SPATS1: variants seen among roughly 807,000 people sequenced by gnomAD.
The protein encoded by SPATS1 is spermatogenesis-associated serine-rich protein 1.
Under a neutral mutation model 33.6 loss-of-function variants are expected in SPATS1, and 23 were observed. The ratio of observed to expected loss-of-function variants is 0.68; its 90% CI spans 0.49 to 0.97. The LOEUF (loss-of-function observed/expected upper bound fraction) is 0.97. Among genes scored for constraint, SPATS1 ranks in the 50% least tolerant of loss-of-function variants. The pLI, the probability that SPATS1 is intolerant of heterozygous loss-of-function variation, is 0.00. For missense variants in SPATS1, 327 were observed against 361.0 expected, an observed-to-expected ratio of 0.91 and a Z score of 0.76; for synonymous variants, 131 against 125.6, an observed-to-expected ratio of 1.04 and a Z score of -0.29.
intron 7 of SPATS1, among the ~76,000 whole-genome samples, chr6:44,376,037 C>T (rs555307253): frequency 2.8e-4 from 43 of 151,784 alleles, no homozygotes; most frequent in African/African-American, 7.3e-4. Flanking sequence ...ATCTGCGAGG[C>T]GGAGGTTGCA....
intron 7 of SPATS1, among the ~76,000 whole-genome samples, chr6:44,372,245 T>C (rs1214096902): frequency 1.9e-4 from 26 of 138,948 alleles, no homozygotes; most frequent in Non-Finnish European, 3.3e-4. Flanking sequence ...AGAGTGAGAC[T>C]CCATCTCAAA....
rs1370954270 is a variant in SPATS1, at chr6:44,378,149, G to T, written c.*1086G>T. 6.6e-6 allele frequency: 1 copy of T among 152,174 alleles called. No homozygotes were observed. Among genetic ancestry groups the T allele is most frequent in the Non-Finnish European group, 1.5e-5 (1 of 68,048 alleles). The allele number at this position is 152,174 out of a possible 1,614,324, so 9.4% of individuals were successfully genotyped here. A position where few individuals can be genotyped will look rare whatever the true frequency, so the allele number is the denominator to read the frequency against. On this transcript the variant is annotated 3_prime_UTR_variant, in exon 9 of 9. Coordinates refer to ENST00000674044, the MANE Select transcript of SPATS1 (RefSeq NM_001372081.1). ...AATAGCCAAGCAGGGTGAGAGCTCA[G>T]TGACCACCAGTCATGAGTTTTAGGG...
intron 3 of SPATS1, among the ~76,000 whole-genome samples, chr6:44,358,322 C>G (rs921568463): frequency 1.3e-5 from 2 of 152,166 alleles, no homozygotes; most frequent in African/African-American, 2.4e-5. Flanking sequence ...AGACGCAAAG[C>G]CATTTAAACC....
chr6:44,343,395 A>G, intron 2 of SPATS1, 161 bp downstream of exon 2: 3 of 831,938 alleles, frequency 3.6e-6, no homozygotes, highest in Non-Finnish European at 2.0e-6. Context: ...TGTTTGTGCT[A>G]ACCCAAGATT....
rs1215913885 is a variant in SPATS1 at position 44,368,506 on chromosome 6, G to T, written c.695+7G>T. ...CACCAGTGAATTTTTCAATGTAAGT[G>T]TATGTTAATACTAGCATTATATAGT... On this transcript the variant is annotated splice_region_variant and intron_variant, in intron 6 of 8. Coordinates refer to ENST00000674044, the MANE Select transcript of SPATS1 (RefSeq NM_001372081.1). 6.2e-7 allele frequency: 1 copy of T among 1,609,682 alleles called. No homozygotes were observed. The highest frequency in any genetic ancestry group is 1.3e-5 in the African/African-American group (1 of 74,998).
intron 1 of SPATS1, 131 bp downstream of exon 1, chr6:44,342,899 G>T: frequency 7.9e-7 from 1 of 1,268,006 alleles, no homozygotes; most frequent in South Asian, 1.4e-5. Flanking sequence ...GCTGGGGGCG[G>T]ACTCGCTGGG....
chr6:44,346,612 A>T (rs746898735), intron 2 of SPATS1, among the ~76,000 whole-genome samples: 66 of 152,290 alleles, frequency 4.3e-4, no homozygotes, highest in South Asian at 8.3e-4. Context: ...TTGAACTCCT[A>T]GCTTCAAGCA....
intron 2 of SPATS1, among the ~76,000 whole-genome samples, chr6:44,348,243 A>G (rs948827190): frequency 2.0e-5 from 3 of 152,124 alleles, no homozygotes; most frequent in African/African-American, 7.2e-5. Flanking sequence ...TCCTGACCTC[A>G]GGTGATCCAC....
chr6:44,370,979 G>GTTTTTTTTTTTTTTT (rs532344535), intron 7 of SPATS1, among the ~76,000 whole-genome samples: 1 of 141,692 alleles, frequency 7.1e-6, no homozygotes, highest in African/African-American at 2.6e-5. Flanking sequence ...AAAAAGAAAG[G>GTTTTTTTTTTTTTTT]TTTTTTTTTT....
chr6:44,367,208 C>T (rs1482435414), intron 5 of SPATS1, among the ~76,000 whole-genome samples: 1 of 152,224 alleles, frequency 6.6e-6, no homozygotes, highest in Non-Finnish European at 1.5e-5. Context: ...CTGTCTCAGC[C>T]TCCCGAGTAA....
intron 7 of SPATS1, among the ~76,000 whole-genome samples, chr6:44,375,531 T>C (rs1009353451): frequency 1.3e-5 from 2 of 152,092 alleles, no homozygotes; most frequent in Admixed American, 6.5e-5. Context: ...GAAGCACGGG[T>C]GGGGATGGTG....
At chr6:44,376,952 A>G in intron 8 of SPATS1, 83 bp from the exon 9 acceptor site, 1 of 1,525,130 alleles carries the variant, frequency 6.6e-7, no homozygotes, top group Non-Finnish European at 9.1e-7. Context: ...GTCATAGCCA[A>G]GCATTGGGGG....
intron 7 of SPATS1, 140 bp from the exon 8 acceptor site, chr6:44,376,218 C>A: frequency 1.7e-6 from 1 of 593,830 alleles, no homozygotes. Flanking sequence ...AAACGGTGAA[C>A]AACTAACATA....
At chr6:44,348,014 GT>G (rs112489598) in intron 2 of SPATS1, among the ~76,000 whole-genome samples, 9 of 142,912 alleles carry the variant, frequency 6.3e-5, no homozygotes, top group Admixed American at 4.2e-4. Context: ...TATTATTTTT[GT>G]TTTTTTTTTG....
At chr6:44,358,043 T>C (rs1385410952) in intron 3 of SPATS1, among the ~76,000 whole-genome samples, 8 of 152,184 alleles carry the variant, frequency 5.3e-5, no homozygotes, top group East Asian at 1.9e-4. Flanking sequence ...TTCTGAGACA[T>C]TGAACCCCAA....
intron 6 of SPATS1, among the ~76,000 whole-genome samples, chr6:44,369,036 A>G (rs902636236): frequency 2.0e-5 from 3 of 151,716 alleles, no homozygotes; most frequent in African/African-American, 2.4e-5. Flanking sequence ...AGCTGGGACT[A>G]CAGGTGCCCG....
chr6:44,346,280 C>A (rs200602469), intron 2 of SPATS1, among the ~76,000 whole-genome samples: 11 of 144,678 alleles, frequency 7.6e-5, no homozygotes, highest in Admixed American at 1.4e-4. Flanking sequence ...GACCCTGTCT[C>A]AAAAAAAAAA....
chr6:44,367,080 A>G (rs1789293611), intron 5 of SPATS1, among the ~76,000 whole-genome samples: 1 of 152,162 alleles, frequency 6.6e-6, no homozygotes. Flanking sequence ...GATGCACTGT[A>G]TATTTAATTA....
intron 2 of SPATS1, among the ~76,000 whole-genome samples, chr6:44,344,231 G>A (rs4714780): frequency 6.6e-6 from 1 of 152,040 alleles, no homozygotes; most frequent in Non-Finnish European, 1.5e-5. Context: ...GTTAGGGGTA[G>A]CAGAAGGGTA....
Sources: gnomAD v4.1 joint callset for allele counts (sites outside exome capture counted in the v4.1 genomes callset) on GRCh38, gnomAD v4.1.1 for gene constraint, MANE v1.5 for transcripts, NCBI Gene and HGNC (gene_info 2026-07-23, HGNC 2026-07-21) for gene names.